NRXN1: variants seen among roughly 807,000 people sequenced by gnomAD.
The protein encoded by NRXN1 is neurexin 1.
In NRXN1, 39 loss-of-function variants were observed where a neutral mutation model predicts 150.9. The observed-to-expected ratio is 0.26, with a 90% confidence interval of 0.20 to 0.34. The LOEUF is 0.34. Among genes scored for constraint, NRXN1 ranks in the 10% least tolerant of loss-of-function variants. NRXN1 has a pLI of 1.00. For missense variants in NRXN1, 1,815 were observed against 1,949.9 expected (o/e 0.93, Z 1.30); for synonymous variants, 924 against 757.0 (o/e 1.22, Z -3.62).
intron 18 of NRXN1, among the ~76,000 whole-genome samples, chr2:50,193,306 T>A (rs1247652409): frequency 2.6e-5 from 4 of 152,222 alleles, no homozygotes; most frequent in African/African-American, 9.6e-5. Context: ...TCTAAATGTA[T>A]CAAATTCAGC....
intron 8 of NRXN1, among the ~76,000 whole-genome samples, chr2:50,597,032 T>G (rs1293412508): frequency 2.0e-5 from 3 of 151,996 alleles, no homozygotes; most frequent in Non-Finnish European, 4.4e-5. Flanking sequence ...TTTGTATTTT[T>G]TGTAGGGATG....
chr2:51,029,435 C>T (rs370079989), intron 1 of NRXN1, among the ~76,000 whole-genome samples: 12 of 152,226 alleles, frequency 7.9e-5, no homozygotes, highest in African/African-American at 2.9e-4. Context: ...TAGTTGGTAA[C>T]CCGAAGTTTT....
chr2:50,775,432 G>A (rs980234203), intron 5 of NRXN1, among the ~76,000 whole-genome samples: 4 of 152,050 alleles, frequency 2.6e-5, no homozygotes, highest in Admixed American at 2.6e-4. Context: ...CTATTCAAAT[G>A]TGCTCGCACT....
intron 21 of NRXN1, among the ~76,000 whole-genome samples, chr2:50,032,740 G>C (rs1183601002): frequency 6.6e-6 from 1 of 151,836 alleles, no homozygotes; most frequent in African/African-American, 2.4e-5. Flanking sequence ...AGAGACACCA[G>C]AGCTCTTTTT....
intron 5 of NRXN1, among the ~76,000 whole-genome samples, chr2:50,633,428 CA>C (rs1454117852): frequency 1.3e-5 from 2 of 151,936 alleles, no homozygotes; most frequent in Non-Finnish European, 2.9e-5. Flanking sequence ...AATGAGAAAT[CA>C]TGCTGGATGG....
chr2:49,924,681 G>A (rs1169388574), intron 22 of NRXN1, among the ~76,000 whole-genome samples: 5 of 152,088 alleles, frequency 3.3e-5, no homozygotes, highest in Non-Finnish European at 5.9e-5. Context: ...TAAGTCATAT[G>A]AGGCCTAAAA....
At chr2:50,759,225 C>T (rs1701513832) in intron 5 of NRXN1, among the ~76,000 whole-genome samples, 1 of 151,848 alleles carries the variant, frequency 6.6e-6, no homozygotes, top group South Asian at 2.1e-4. Flanking sequence ...AATAATACAT[C>T]AATTCTTTTT....
At chr2:50,414,582 G>T (rs2083410036) in intron 17 of NRXN1, among the ~76,000 whole-genome samples, 1 of 150,924 alleles carries the variant, frequency 6.6e-6, no homozygotes. Flanking sequence ...TCTTTCTTTG[G>T]GTAAAAGTCT....
At chr2:50,355,678 C>A (rs535190378) in intron 17 of NRXN1, among the ~76,000 whole-genome samples, 84 of 152,058 alleles carry the variant, frequency 5.5e-4, no homozygotes, top group South Asian at 1.2e-3. Flanking sequence ...TATATATTTC[C>A]CCATTGGAAA....
intron 2 of NRXN1, among the ~76,000 whole-genome samples, chr2:50,983,220 T>A (rs1454109381): frequency 6.6e-6 from 1 of 152,194 alleles, no homozygotes; most frequent in Admixed American, 6.6e-5. Context: ...TAATTGTATA[T>A]CTCTAAGTTT....
At chr2:50,963,980 C>T (rs1184720590) in intron 2 of NRXN1, 4 of 441,420 alleles carry the variant, frequency 9.1e-6, no homozygotes, top group Non-Finnish European at 1.8e-5. Flanking sequence ...ATGTCATTGT[C>T]CTTCTCTTTA....
At chr2:50,350,549 C>A (rs984623819) in intron 17 of NRXN1, among the ~76,000 whole-genome samples, 5 of 152,104 alleles carry the variant, frequency 3.3e-5, no homozygotes, top group African/African-American at 1.2e-4. Flanking sequence ...CATCAAAGTG[C>A]CAGGGCTACA....
chr2:50,630,591 T>G (rs1682110321), intron 5 of NRXN1, among the ~76,000 whole-genome samples: 1 of 151,754 alleles, frequency 6.6e-6, no homozygotes, highest in African/African-American at 2.4e-5. Flanking sequence ...CCCAGTTACA[T>G]GAAGAATGTC....
At chr2:50,890,333 C>A (rs534359997) in intron 5 of NRXN1, among the ~76,000 whole-genome samples, 1 of 151,922 alleles carries the variant, frequency 6.6e-6, no homozygotes, top group African/African-American at 2.4e-5. Flanking sequence ...AAGACATTAA[C>A]ACTGCCCTTT....
At chr2:50,250,437 T>TC (rs2066929813) in intron 17 of NRXN1, among the ~76,000 whole-genome samples, 1 of 48,758 alleles carries the variant, frequency 2.1e-5, no homozygotes, top group African/African-American at 8.2e-5. Context: ...TTTTTAATAT[T>TC]TTTTTTTTTT....
At chr2:50,838,094 T>C (rs1404507244) in intron 5 of NRXN1, among the ~76,000 whole-genome samples, 2 of 152,126 alleles carry the variant, frequency 1.3e-5, no homozygotes, top group African/African-American at 4.8e-5. Context: ...CTCCTCACAT[T>C]TTATAAAACA....
intron 2 of NRXN1, among the ~76,000 whole-genome samples, chr2:50,938,985 G>A (rs1050068798): frequency 6.6e-6 from 1 of 152,118 alleles, no homozygotes; most frequent in Non-Finnish European, 1.5e-5. Context: ...GCCAAGGCAG[G>A]AGGATCACGA....
At chr2:50,180,709 G>T (rs2060654416) in intron 18 of NRXN1, among the ~76,000 whole-genome samples, 1 of 152,038 alleles carries the variant, frequency 6.6e-6, no homozygotes, top group Admixed American at 6.6e-5. Flanking sequence ...TGGAGCTTTG[G>T]TCTTGAACTT....
chr2:50,139,922 A>G (rs373847843), intron 18 of NRXN1, among the ~76,000 whole-genome samples: 8 of 152,318 alleles, frequency 5.3e-5, no homozygotes, highest in African/African-American at 1.9e-4. Context: ...TTCAAATATA[A>G]CAAAATATTT....
Sources: allele counts gnomAD v4.1 joint callset (sites outside exome capture counted in the v4.1 genomes callset), GRCh38; gene constraint gnomAD v4.1.1; transcripts MANE v1.5; gene names NCBI Gene and HGNC (gene_info 2026-07-23, HGNC 2026-07-21).